The following SPOCD1 variants were observed in gnomAD, a reference collection of about 807,000 sequenced individuals.
SPOCD1 encodes SPOC domain containing 1, also known as SPOC domain-containing protein 1.
In SPOCD1, 64 loss-of-function variants were observed where a neutral mutation model predicts 92.2. The ratio of observed to expected loss-of-function variants is 0.69; its 90% CI spans 0.57 to 0.86. SPOCD1 has a LOEUF of 0.86. SPOCD1 is among the 40% of genes least tolerant of loss of function. SPOCD1 has a pLI of 0.00. For synonymous variants in SPOCD1, 578 were observed against 619.3 expected (o/e 0.93, Z 0.99); for missense variants, 1,360 against 1,543.1 (o/e 0.88, Z 1.99).
In SPOCD1 at chr1:31,799,443, C is replaced by T. The variant is rs1648275602; in HGVS notation, c.1826G>A (p.Arg609Gln). The change falls in exon 7 of 16, where the codon CGG (arginine) becomes CAG (glutamine). Residue 609 changes from arginine to glutamine, a missense_variant. Physicochemically the swap from Arg to Gln is conservative, Grantham distance 43. Coordinates refer to ENST00000360482, the MANE Select transcript of SPOCD1 (RefSeq NM_144569.7). Reference protein sequence around the residue: ...QEKPSLYIGVRGTVVRSMQEV... With the variant: ...QEKPSLYIGVQGTVVRSMQEV... ...CTGCATGGAACGGACAACAGTGCCC[C>T]GCACCCCAATATACAGGGATGGCTT... 2 of 1,611,880 alleles carry T rather than the reference C, an allele frequency of 1.2e-6. No individual in the cohort carries two copies. The highest frequency in any genetic ancestry group is 1.7e-6 in the Non-Finnish European group (2 of 1,179,244).
intron 10 of SPOCD1, 42 bp downstream of exon 10, chr1:31,796,548 G>T (rs1225183385): frequency 7.4e-6 from 12 of 1,614,232 alleles, no homozygotes; most frequent in Non-Finnish European, 1.0e-5. Context: ...GGGACCCCCA[G>T]GCATGGGCTC....
At position 31,801,682 on chromosome 1, in the gene SPOCD1, T is replaced by C. The variant is rs1648475191; in HGVS notation, c.1407A>G (p.Gly469=). ...AACCTACGTAGCACACAAGCTTCAC[T>C]CCATGGGGTATTTTCACTTCCTCCT... is the stretch of plus-strand genomic sequence containing the variant. ...PRLEEVKIPH[G]VKLVCYLGSG... is the part of the protein sequence containing the mutation. The change falls in exon 3 of 16, where the codon GGA becomes GGG. Residue 469 remains glycine (G), a synonymous_variant. Transcript: ENST00000360482. 14 of 1,613,904 alleles carry C rather than the reference T, an allele frequency of 8.7e-6. No homozygotes were observed. The highest frequency in any genetic ancestry group is 8.5e-6 in the Non-Finnish European group (10 of 1,179,914).
chr1:31,796,351 T>G, intron 10 of SPOCD1: 4 of 613,188 alleles, frequency 6.5e-6, no homozygotes, highest in Non-Finnish European at 1.2e-5. Flanking sequence ...GTGGGGGCCT[T>G]GGGGTGAGGC....
At position 31,815,574 on chromosome 1, in the gene SPOCD1, C is replaced by T. The variant is rs182368723; in HGVS notation, c.-39-202G>A. Among the ~76,000 whole-genome samples the T allele has an allele frequency of 9.5e-4, 145 of 152,350 alleles. 2 individuals carry two copies. The highest frequency in any genetic ancestry group is 9.4e-3 in the Admixed American group (144 of 15,306). On this transcript the variant is annotated intron_variant, in intron 1 of 15. Transcript: ENST00000360482. ...GAGGGTGGAGAGGCCTGCCTCCAAA[C>T]AGGGCCGAGCTACAGTGGCCTCCAG...
At chr1:31,796,274 C>T (rs546985469) in intron 10 of SPOCD1, 1 of 440,440 alleles carries the variant, frequency 2.3e-6, no homozygotes, top group Non-Finnish European at 4.3e-6. Context: ...CTGCTGCTTC[C>T]CAGCAGAGAT....
At position 31,799,996 on chromosome 1, in the gene SPOCD1, G is replaced by A; in HGVS notation, c.1728+20C>T. The stretch of plus-strand genomic sequence containing the variant: ...CATGCTCCAGTGAAGGAGGCACATG[G>A]CCGGGGCAGAACAACTTGCCTGGGA... On this transcript the variant is annotated intron_variant, in intron 5 of 15. Coordinates refer to ENST00000360482, the MANE Select transcript of SPOCD1 (RefSeq NM_144569.7). 6.2e-7 allele frequency: 1 copy of A among 1,611,706 alleles called. No homozygotes were observed. Among genetic ancestry groups the A allele is most frequent in the Non-Finnish European group, 8.5e-7 (1 of 1,178,720 alleles).
Position 31,814,958 on chromosome 1 carries a change from T to C in SPOCD1, c.376A>G (p.Ile126Val). 1 of 1,613,910 alleles carries C rather than the reference T, an allele frequency of 6.2e-7. No homozygotes were observed. Among genetic ancestry groups the C allele is most frequent in the Non-Finnish European group, 8.5e-7 (1 of 1,180,006 alleles). ...TTCCTGGGGCAACTGTCATCTAAGA[T>C]GTCACACAGAGAAACCTGGAGCCTC... ...SKRLQVSLCD[I>V]LDDSCPRKLC... Residue 126 changes from isoleucine to valine, a missense_variant, in exon 2 of 16, where the codon ATC (isoleucine) becomes GTC (valine). Around this residue, in one of 3 missense-constraint regions of SPOCD1, gnomAD observed 140 missense variants for 183.8 expected, o/e 0.76. Transcript: ENST00000360482. The surrounding 1 kb of genome is among the most constrained non-coding windows in gnomAD (Gnocchi z 4.2).
chr1:31,791,328 G>C, intron 15 of SPOCD1, 37 bp from the exon 16 acceptor site: 1 of 1,444,536 alleles, frequency 6.9e-7, no homozygotes, highest in Non-Finnish European at 9.1e-7. Context: ...AGCTGCAGCA[G>C]ATCTGGAGCC....
chr1:31,795,951 G>T, intron 10 of SPOCD1: 1 of 156,746 alleles, frequency 6.4e-6, no homozygotes, highest in Non-Finnish European at 1.4e-5. Context: ...TCAACTGCAG[G>T]AGTCTGAGAT....
chr1:31,798,216 C>T lies in SPOCD1; in HGVS notation c.2136G>A (p.Glu712=). The T allele has an allele frequency of 1.2e-6, 2 of 1,614,010 alleles. No individual in the cohort carries two copies. Among genetic ancestry groups the T allele is most frequent in the Non-Finnish European group, 1.7e-6 (2 of 1,179,934 alleles). Residue 712 remains glutamate, a synonymous_variant, in exon 9 of 16, where the codon GAG becomes GAA. Coordinates refer to ENST00000360482, the MANE Select transcript of SPOCD1 (RefSeq NM_144569.7). This position sits in a 1 kb window ranked among gnomAD's most constrained non-coding sequence, Gnocchi z 4.1. The part of the protein sequence containing the change: ...PQELARWRDQ[E]EKRGLNIIEQ... Reference sequence around the variant, plus strand: ...TGGGCTCAGCACTCACCCTTTTCTCCTCCTGGTCCCGCCAGCGGGCCAGCT... The same window carrying T: ...TGGGCTCAGCACTCACCCTTTTCTCTTCCTGGTCCCGCCAGCGGGCCAGCT...
intron 2 of SPOCD1, among the ~76,000 whole-genome samples, chr1:31,806,067 A>AG (rs1648798579): frequency 6.6e-6 from 1 of 151,970 alleles, no homozygotes; most frequent in South Asian, 2.1e-4. Context: ...AGCTATAACA[A>AG]CTCTAAACTT....
rs759739759 is a variant in SPOCD1 at position 31,792,487 on chromosome 1, C to A, written c.2776-86G>T. ...CTGGGCTCCCTGAAACCCCTGAGAA[C>A]CCCGTGAGAAAGTATGTCTCCATCT... On this transcript the variant is annotated intron_variant, in intron 14 of 15. Coordinates refer to ENST00000360482, the MANE Select transcript of SPOCD1 (RefSeq NM_144569.7). 14 of 1,425,176 alleles carry A rather than the reference C, an allele frequency of 9.8e-6. No individual in the cohort carries two copies. The South Asian group carries it at 1.7e-4, about 17-fold the overall frequency. The allele number at this position is 1,425,176 out of a possible 1,614,324, so 88.3% of individuals were successfully genotyped here.
Position 31,790,851 on chromosome 1 carries a change from G to A in SPOCD1, c.3403C>T (p.Arg1135Cys), listed in dbSNP as rs200530521. 2.9e-4 allele frequency: 443 copies of A among 1,550,870 alleles called. No individual in the cohort carries two copies. The highest frequency in any genetic ancestry group is 4.5e-4 in the African/African-American group (33 of 73,204). ...SVAPAGHGFG[R>C]GQHFHRDSCP... is the part of the protein sequence containing the mutation. ...GAGTCCCTGTGGAAGTGCTGGCCAC[G>A]GCCAAAGCCATGACCAGCTGGTGCT... The change falls in exon 16 of 16, where the codon CGT (arginine) becomes TGT (cysteine). Residue 1135 changes from arginine to cysteine, a missense_variant. Transcript: ENST00000360482.
At chr1:31,801,751 C>A in intron 2 of SPOCD1, 46 bp from the exon 3 acceptor site, 1 of 1,496,224 alleles carries the variant, frequency 6.7e-7, no homozygotes, top group East Asian at 2.3e-5. Flanking sequence ...GAGGACCCAG[C>A]CACCCCATGG....
Position 31,814,749 on chromosome 1 carries a change from T to A in SPOCD1, c.585A>T (p.Thr195=), listed in dbSNP as rs1420684687. 8 of 1,613,592 alleles carry A rather than the reference T, an allele frequency of 5.0e-6. No individual in the cohort carries two copies. Among genetic ancestry groups the A allele is most frequent in the Non-Finnish European group, 6.8e-6 (8 of 1,179,826 alleles). Residue 195 remains threonine (T), a synonymous_variant, in exon 2 of 16, where the codon ACA becomes ACT. Coordinates refer to ENST00000360482, the MANE Select transcript of SPOCD1 (RefSeq NM_144569.7). The surrounding 1 kb of genome is among the most constrained non-coding windows in gnomAD (Gnocchi z 4.2). ...SKEEPPGRPL[T]SSPDPVPVRV... ...TCACAGGGACTGGGTCTGGTGAGGA[T>A]GTCAGGGGCCTTCCAGGGGGCTCCT... is the stretch of plus-strand genomic sequence containing the variant.
chr1:31,800,586 C>T lies in SPOCD1; in HGVS notation c.1457G>A (p.Gly486Glu). Residue 486 changes from glycine (G) to glutamate (E), a missense_variant, in exon 4 of 16, where the codon GGG becomes GAG. Around this residue, in one of 3 missense-constraint regions of SPOCD1, gnomAD observed 606 missense variants for 601.5 expected, o/e 1.01. Coordinates refer to ENST00000360482, the MANE Select transcript of SPOCD1 (RefSeq NM_144569.7). ...LGSGPVIQLL[G>E]AISHGQAGGQ... ...CCCTGCCTGGCCGTGGCTGATGGCC[C>T]CCAGGAGCTGGATCACTGGCCCGGA... 1.2e-6 allele frequency: 2 copies of T among 1,610,038 alleles called. No homozygotes were observed. Among genetic ancestry groups the T allele is most frequent in the Non-Finnish European group, 8.5e-7 (1 of 1,178,192 alleles).
At position 31,798,415 on chromosome 1, in the gene SPOCD1, C is replaced by CG; in HGVS notation, c.2028+26dup. On this transcript the variant is annotated intron_variant, in intron 8 of 15. Coordinates refer to ENST00000360482, the MANE Select transcript of SPOCD1 (RefSeq NM_144569.7). This position sits in a 1 kb window ranked among gnomAD's most constrained non-coding sequence, Gnocchi z 4.1. ...GGGGCTCTGAGATTCAGAGAGGGGACGCAGCCCAGCCCAAAGCCCTGCTCA... is the reference window on the plus strand; with the variant it reads ...GGGGCTCTGAGATTCAGAGAGGGGACGGCAGCCCAGCCCAAAGCCCTGCTCA... The CG allele has an allele frequency of 6.3e-7, 1 of 1,593,370 alleles. No individual in the cohort carries two copies. The highest frequency in any genetic ancestry group is 8.6e-7 in the Non-Finnish European group (1 of 1,168,326).
chr1:31,800,286 G>T (rs1648356745), intron 4 of SPOCD1, 145 bp from the exon 5 acceptor site: 4 of 1,450,514 alleles, frequency 2.8e-6, no homozygotes, highest in Non-Finnish European at 2.8e-6. Context: ...TGGAGCCCAG[G>T]CCAGCCATGC....
Position 31,813,164 on chromosome 1 carries a change from G to C in SPOCD1, c.1383+787C>G, listed in dbSNP as rs545794058. Among the ~76,000 whole-genome samples the C allele has an allele frequency of 5.3e-5, 8 of 152,288 alleles. No individual in the cohort carries two copies. In the East Asian group the frequency reaches 7.7e-4, roughly 15 times the overall value. Reference sequence around the variant, plus strand: ...TCAGTTTCCCCATCTGGTTATATGGGGCTAACGCCTATCTTACAGGGTAAC... The same window carrying C: ...TCAGTTTCCCCATCTGGTTATATGGCGCTAACGCCTATCTTACAGGGTAAC... On this transcript the variant is annotated intron_variant, in intron 2 of 15. Coordinates refer to ENST00000360482, the MANE Select transcript of SPOCD1 (RefSeq NM_144569.7).
Sources: allele counts gnomAD v4.1 joint callset (sites outside exome capture counted in the v4.1 genomes callset), GRCh38; gene constraint gnomAD v4.1.1; regional missense constraint gnomAD v4.1.1; non-coding constraint Gnocchi (gnomAD v3.1); transcripts MANE v1.5; gene names NCBI Gene and HGNC (gene_info 2026-07-23, HGNC 2026-07-21).